The following ETV6 variants were observed in gnomAD, a reference collection of about 807,000 sequenced individuals.
The protein encoded by ETV6 is transcription factor ETV6.
A neutral mutation model predicts 51.1 loss-of-function variants in ETV6; 16 were observed. The observed-to-expected ratio is 0.31, with a 90% CI of 0.21 to 0.48. ETV6 has a LOEUF of 0.48. Ranked by LOEUF, ETV6 falls within the 20% of genes least tolerant of loss-of-function variation. ETV6 has a pLI of 0.99. For missense variants in ETV6, 458 were observed against 594.8 expected, an observed-to-expected ratio of 0.77 and a Z score of 2.39; for synonymous variants, 240 against 224.1, an observed-to-expected ratio of 1.07 and a Z score of -0.64.
At chr12:11,858,369 T>G (rs1946663190) in intron 4 of ETV6, among the ~76,000 whole-genome samples, 1 of 149,794 alleles carries the variant, frequency 6.7e-6, no homozygotes, top group Non-Finnish European at 1.5e-5. Flanking sequence ...TAGGTTCTTT[T>G]ATTTTGGGTT....
At chr12:11,702,702 C>T (rs1463345660) in intron 1 of ETV6, among the ~76,000 whole-genome samples, 1 of 152,134 alleles carries the variant, frequency 6.6e-6, no homozygotes, top group Admixed American at 6.5e-5. Context: ...AACCTTGGCT[C>T]TTCATGAAGG....
intron 2 of ETV6, among the ~76,000 whole-genome samples, chr12:11,832,258 C>T (rs752787405): frequency 6.6e-6 from 1 of 152,158 alleles, no homozygotes; most frequent in Non-Finnish European, 1.5e-5. Context: ...CTTTCTCTCT[C>T]CCATGAAGGA....
Position 11,884,471 on chromosome 12 carries a change from T to TATCA in ETV6, c.1037_1040dup (p.Leu348SerfsTer5). 6.2e-7 allele frequency: 1 copy of TATCA among 1,614,218 alleles called. No homozygotes were observed. The highest frequency in any genetic ancestry group is 8.5e-7 in the Non-Finnish European group (1 of 1,180,038). On this transcript the variant is annotated frameshift_variant, in exon 6 of 8. Transcript: ENST00000396373. LOFTEE classifies it high-confidence loss of function. ...CTGTAGACTGCTTTGGGATTACGTC[T>TATCA]ATCAGTTGCTTTCTGACAGCCGGTA...
intron 1 of ETV6, among the ~76,000 whole-genome samples, chr12:11,714,649 GAAAAAAAAAAAA>G (rs10709538): frequency 2.3e-5 from 2 of 87,090 alleles, no homozygotes; most frequent in African/African-American, 4.9e-5. Flanking sequence ...ACCTTGAGGT[GAAAAAAAAAAAA>G]AAAAAAAAAA....
At chr12:11,834,207 TG>T (rs1292490520) in intron 2 of ETV6, among the ~76,000 whole-genome samples, 3 of 152,168 alleles carry the variant, frequency 2.0e-5, no homozygotes, top group African/African-American at 7.2e-5. Context: ...GTTACAAAAT[TG>T]GTGTGGGTCA....
At chr12:11,762,798 A>G (rs1220036337) in intron 2 of ETV6, among the ~76,000 whole-genome samples, 3 of 152,184 alleles carry the variant, frequency 2.0e-5, no homozygotes, top group African/African-American at 7.2e-5. Context: ...AGGGGGTGTA[A>G]GATTAGGGAG....
At chr12:11,866,604 C>A (rs563014016) in intron 4 of ETV6, among the ~76,000 whole-genome samples, 1 of 152,198 alleles carries the variant, frequency 6.6e-6, no homozygotes, top group African/African-American at 2.4e-5. Context: ...CTTAGCAGAT[C>A]CCCTTGTCCT....
At chr12:11,842,158 C>T (rs946242930) in intron 3 of ETV6, among the ~76,000 whole-genome samples, 3 of 151,944 alleles carry the variant, frequency 2.0e-5, no homozygotes, top group Admixed American at 6.5e-5. Flanking sequence ...CAAGACTGCA[C>T]GTGCTAGACA....
chr12:11,696,174 T>C (rs2120816951), intron 1 of ETV6, among the ~76,000 whole-genome samples: 1 of 152,316 alleles, frequency 6.6e-6, no homozygotes, highest in South Asian at 2.1e-4. Context: ...GAGTTTTTAT[T>C]TCTTTTTTCT....
At chr12:11,683,670 T>C in intron 1 of ETV6, among the ~76,000 whole-genome samples, 1 of 152,206 alleles carries the variant, frequency 6.6e-6, no homozygotes, top group East Asian at 1.9e-4. Flanking sequence ...GTAAGTCTAT[T>C]TCTTTCTTTG....
chr12:11,855,165 G>T (rs1946613502), intron 4 of ETV6, among the ~76,000 whole-genome samples: 1 of 151,588 alleles, frequency 6.6e-6, no homozygotes, highest in South Asian at 2.1e-4. Flanking sequence ...AATTAGCCGG[G>T]CATGGTGGCA....
rs921623868 is a variant in ETV6, at chr12:11,853,634, A to G, written c.463+73A>G. The G allele has an allele frequency of 5.2e-6, 8 of 1,549,120 alleles. No individual in the cohort carries two copies. In the Admixed American group the frequency reaches 8.9e-5, roughly 17 times the overall value. ...AGGAAGTTTAATTGTTAACTTGATA[A>G]GCTGGTCTTCTTCGTGTAAGTTCAC... On this transcript the variant is annotated intron_variant, in intron 4 of 7. Coordinates refer to ENST00000396373, the MANE Select transcript of ETV6 (RefSeq NM_001987.5).
chr12:11,800,519 T>C (rs1473969332), intron 2 of ETV6, among the ~76,000 whole-genome samples: 1 of 152,032 alleles, frequency 6.6e-6, no homozygotes, highest in Non-Finnish European at 1.5e-5. Flanking sequence ...ATTCCTCCCA[T>C]CTAACTGACG....
chr12:11,787,229 A>G (rs1565525836), intron 2 of ETV6, among the ~76,000 whole-genome samples: 4 of 152,230 alleles, frequency 2.6e-5, no homozygotes, highest in African/African-American at 4.8e-5. Flanking sequence ...AGTAAGCAGA[A>G]TCTTTCAAAA....
At chr12:11,680,910 C>T (rs1330125479) in intron 1 of ETV6, among the ~76,000 whole-genome samples, 1 of 152,186 alleles carries the variant, frequency 6.6e-6, no homozygotes. Context: ...TCCTTACTTT[C>T]TGTTCTTTAA....
rs1565573648 is a variant in ETV6, at chr12:11,893,947, A to AAT, written c.*2902_*2903dup. 2.3e-5 allele frequency: 5 copies of AAT among 214,878 alleles called. No homozygotes were observed. The highest frequency in any genetic ancestry group is 4.7e-5 in the Non-Finnish European group (5 of 106,848). The allele number at this position is 214,878 out of a possible 1,614,324, so 13.3% of individuals were successfully genotyped here. On this transcript the variant is annotated 3_prime_UTR_variant, in exon 8 of 8. Coordinates refer to ENST00000396373, the MANE Select transcript of ETV6 (RefSeq NM_001987.5). ...CCAAGCATTTCAGATAAGGGATATC[A>AAT]ATCTGTACTACCAATAAGGATTTCG...
intron 2 of ETV6, among the ~76,000 whole-genome samples, chr12:11,762,453 G>T (rs1332566176): frequency 6.6e-6 from 1 of 152,156 alleles, no homozygotes; most frequent in Non-Finnish European, 1.5e-5. Context: ...GTATCCACTG[G>T]GTTTTAGGCT....
intron 1 of ETV6, among the ~76,000 whole-genome samples, chr12:11,688,172 G>A (rs1307379532): frequency 6.6e-6 from 1 of 152,152 alleles, no homozygotes; most frequent in East Asian, 1.9e-4. Context: ...AGGAGAACTG[G>A]ATCGAAGTAG....
In ETV6 at chr12:11,716,330, CAAAAAAAAAAAA is replaced by C. The variant is rs3049068; in HGVS notation, c.34-36101_34-36090del. Among the ~76,000 whole-genome samples, 34 of 58,120 alleles carry C rather than the reference CAAAAAAAAAAAA, an allele frequency of 5.8e-4. 1 individual carries two copies. The highest frequency in any genetic ancestry group is 5.4e-4 in the Admixed American group (2 of 3,730). The allele number at this position is 58,120 out of a possible 152,430, so 38.1% of individuals were successfully genotyped here. On this transcript the variant is annotated intron_variant, in intron 1 of 7. Coordinates refer to ENST00000396373, the MANE Select transcript of ETV6 (RefSeq NM_001987.5). Reference sequence around the variant, plus strand: ...TGGGCGACAGAGCAAGACTCCTTCTCAAAAAAAAAAAAAAAAAAAAAAAAAAAAAAGATCATT... The same window carrying C: ...TGGGCGACAGAGCAAGACTCCTTCTCAAAAAAAAAAAAAAAAAAGATCATT...
Sources: gnomAD v4.1 joint callset for allele counts (sites outside exome capture counted in the v4.1 genomes callset) on GRCh38, gnomAD v4.1.1 for gene constraint, MANE v1.5 for transcripts, NCBI Gene and HGNC (gene_info 2026-07-23, HGNC 2026-07-21) for gene names.